Variants in ZBTB20 observed in about 807,000 individuals in gnomAD.
ZBTB20 encodes zinc finger and BTB domain-containing protein 20.
ZBTB20 carries 9 observed loss-of-function variants against 56.9 expected under a neutral mutation model. The ratio of observed to expected loss-of-function variants is 0.16; its 90% CI spans 0.10 to 0.28. The LOEUF is 0.28. ZBTB20 is among the 10% of genes least tolerant of loss of function. The pLI is 1.00. For missense variants in ZBTB20, 655 were observed against 1,003.0 expected, an observed-to-expected ratio of 0.65 and a Z score of 4.69; for synonymous variants, 417 against 420.7, an observed-to-expected ratio of 0.99 and a Z score of 0.11.
chr3:115,093,938 G>A (rs746319834), intron 1 of ZBTB20, among the ~76,000 whole-genome samples: 15 of 152,038 alleles, frequency 9.9e-5, no homozygotes, highest in Non-Finnish European at 1.8e-4. Flanking sequence ...GCTTTTTAAC[G>A]GGAGTTAGGG....
chr3:115,040,144 C>T (rs1364496973), intron 2 of ZBTB20, among the ~76,000 whole-genome samples: 2 of 151,588 alleles, frequency 1.3e-5, no homozygotes, highest in African/African-American at 4.8e-5. Flanking sequence ...TTTTTTATTT[C>T]AAGTGGTATG....
At position 114,800,750 on chromosome 3, in the gene ZBTB20, A is replaced by AAAAATAAAAT. The variant is rs149193013; in HGVS notation, c.-343+341_-343+350dup. 4.4e-3 allele frequency among the ~76,000 whole-genome samples: 622 copies of AAAAATAAAAT among 142,328 alleles called. 8 individuals carry two copies. The highest frequency in any genetic ancestry group is 0.015 in the African/African-American group (596 of 39,150). 93.4% of individuals were successfully genotyped at this position (142,328 alleles called of 152,430 possible). A position where few individuals can be genotyped will look rare whatever the true frequency, so the allele number is the denominator to read the frequency against. ...ATCTTTTACCTTCAGTGAGACTAGT[A>AAAAATAAAAT]AAAATAAAATAAAATAAAATAAAAT... On this transcript the variant is annotated intron_variant, in intron 5 of 11. Transcript: ENST00000675478.
At chr3:114,499,136 A>C (rs567692411) in intron 7 of ZBTB20, among the ~76,000 whole-genome samples, 1 of 152,324 alleles carries the variant, frequency 6.6e-6, no homozygotes, top group Admixed American at 6.5e-5. Context: ...CCTCCAAAGC[A>C]TTTACAGACC....
In ZBTB20 at chr3:114,351,514, C is replaced by G; in HGVS notation, c.564G>C (p.Glu188Asp). ...SILQIKTVID[E>D]CTRIVSQNVG... ...CGTTCTGTGACACGATGCGCGTGCA[C>G]TCGTCGATGACTGTTTTGATCTGCA... Residue 188 changes from glutamate (E) to aspartate (D), a missense_variant, in exon 11 of 12, where the codon GAG (glutamate) becomes GAC (aspartate). Glu to Asp is a conservative substitution (Grantham distance 45, BLOSUM62 2). This residue lies in a region of ZBTB20 where 167 missense variants were observed against 281.9 expected (regional missense o/e 0.59). Coordinates refer to ENST00000675478, the MANE Select transcript of ZBTB20 (RefSeq NM_001348800.3). 6.2e-7 allele frequency: 1 copy of G among 1,614,050 alleles called. No individual in the cohort carries two copies. The highest frequency in any genetic ancestry group is 8.5e-7 in the Non-Finnish European group (1 of 1,180,032).
intron 4 of ZBTB20, among the ~76,000 whole-genome samples, chr3:114,859,074 T>C (rs2075372496): frequency 6.6e-6 from 1 of 152,084 alleles, no homozygotes. Context: ...GGTTGTATGA[T>C]GAGAAAAAAA....
chr3:114,876,158 T>C (rs1178158640), intron 4 of ZBTB20, among the ~76,000 whole-genome samples: 11 of 151,946 alleles, frequency 7.2e-5, no homozygotes, highest in Non-Finnish European at 1.5e-4. Context: ...TCATAGGTTA[T>C]TGGGGAACAG....
At chr3:115,012,132 G>A (rs2079743662) in intron 2 of ZBTB20, among the ~76,000 whole-genome samples, 1 of 151,610 alleles carries the variant, frequency 6.6e-6, no homozygotes, top group Admixed American at 6.6e-5. Context: ...GAAAAGAAAA[G>A]AGGAAGAAAG....
intron 4 of ZBTB20, among the ~76,000 whole-genome samples, chr3:114,894,319 A>ATAT (rs1442463426): frequency 1.3e-5 from 2 of 152,238 alleles, no homozygotes; most frequent in Non-Finnish European, 2.9e-5. Flanking sequence ...ATATCTATAT[A>ATAT]TACATACATG....
At chr3:114,636,588 G>A (rs1346806918) in intron 6 of ZBTB20, among the ~76,000 whole-genome samples, 1 of 152,058 alleles carries the variant, frequency 6.6e-6, no homozygotes, top group Non-Finnish European at 1.5e-5. Flanking sequence ...TCAAATTTAA[G>A]TTGCTATCAG....
At chr3:114,640,113 A>T (rs2059480028) in intron 6 of ZBTB20, among the ~76,000 whole-genome samples, 1 of 151,962 alleles carries the variant, frequency 6.6e-6, no homozygotes, top group African/African-American at 2.4e-5. Context: ...CCCATTTGAC[A>T]TTTCAAATGT....
intron 5 of ZBTB20, among the ~76,000 whole-genome samples, chr3:114,774,812 C>T (rs188958512): frequency 1.3e-5 from 2 of 151,984 alleles, no homozygotes; most frequent in East Asian, 3.9e-4. Flanking sequence ...TAGACAATTC[C>T]TTAAATTTTC....
chr3:114,467,159 A>T (rs1346857516), intron 7 of ZBTB20, among the ~76,000 whole-genome samples: 1 of 152,152 alleles, frequency 6.6e-6, no homozygotes, highest in East Asian at 1.9e-4. Flanking sequence ...GGAGTTTGAG[A>T]TGTTGTGGGT....
chr3:114,525,955 A>C (rs1292077317), intron 6 of ZBTB20, among the ~76,000 whole-genome samples: 4 of 152,218 alleles, frequency 2.6e-5, no homozygotes, highest in Admixed American at 2.6e-4. Context: ...AATCATTGTC[A>C]TTGCCATTAT....
chr3:114,941,476 C>T (rs1432964686), intron 3 of ZBTB20, among the ~76,000 whole-genome samples: 2 of 145,640 alleles, frequency 1.4e-5, no homozygotes, highest in African/African-American at 5.6e-5. Context: ...CACTTAGGAC[C>T]GTAAATTTTC....
At chr3:115,026,385 C>T (rs2080426099) in intron 2 of ZBTB20, among the ~76,000 whole-genome samples, 2 of 150,996 alleles carry the variant, frequency 1.3e-5, no homozygotes, top group Non-Finnish European at 3.0e-5. Flanking sequence ...GACCCCATCT[C>T]ACCAAAGTTT....
At chr3:114,523,491 A>C (rs969578349) in intron 6 of ZBTB20, among the ~76,000 whole-genome samples, 1 of 152,206 alleles carries the variant, frequency 6.6e-6, no homozygotes, top group African/African-American at 2.4e-5. Context: ...GTGTTTGTAT[A>C]CTGATAGGAA....
Position 114,369,983 on chromosome 3 carries a change from T to C in ZBTB20, c.199+10234A>G, listed in dbSNP as rs529302628. On this transcript the variant is annotated intron_variant, in intron 10 of 11. Transcript: ENST00000675478. ...AATATTTGTGAAGTAATAATACTTG[T>C]AAAACATTATTTCTCATAAAAAATA... 1.9e-3 allele frequency among the ~76,000 whole-genome samples: 287 copies of C among 152,334 alleles called. 1 individual carries two copies. The highest frequency in any genetic ancestry group is 6.8e-3 in the African/African-American group (283 of 41,576).
rs2078714312 is a variant in ZBTB20, at chr3:114,317,095, T to C, written c.*21910A>G. The C allele has an allele frequency of 6.5e-6, 1 of 154,508 alleles. No homozygotes were observed. Among genetic ancestry groups the C allele is most frequent in the African/African-American group, 2.4e-5 (1 of 41,400 alleles). 9.6% of individuals were successfully genotyped at this position (154,508 alleles called of 1,614,324 possible). On this transcript the variant is annotated 3_prime_UTR_variant, in exon 12 of 12. Coordinates refer to ENST00000675478, the MANE Select transcript of ZBTB20 (RefSeq NM_001348800.3). ...CCTGCATGCTCAAACATCACCCATA[T>C]GTCCCCACGCCTAAGGCTGACTTCT...
chr3:114,565,399 T>C (rs2052598670), intron 6 of ZBTB20, among the ~76,000 whole-genome samples: 1 of 152,336 alleles, frequency 6.6e-6, no homozygotes, highest in African/African-American at 2.4e-5. Context: ...TCTGGCACCT[T>C]GCCCCGAATT....
Sources: allele counts gnomAD v4.1 joint callset (sites outside exome capture counted in the v4.1 genomes callset), GRCh38; gene constraint gnomAD v4.1.1; regional missense constraint gnomAD v4.1.1; transcripts MANE v1.5; gene names NCBI Gene and HGNC (gene_info 2026-07-23, HGNC 2026-07-21).